Variants in CEP290 observed in about 807,000 individuals in gnomAD.
CEP290 encodes the protein centrosomal protein of 290 kDa.
In CEP290, 317 loss-of-function variants were observed where a neutral mutation model predicts 344.9. The ratio of observed to expected loss-of-function variants is 0.92; its 90% CI spans 0.84 to 1.01. The LOEUF is 1.01. Ranked by LOEUF, CEP290 falls within the 50% of genes least tolerant of loss-of-function variation. The pLI, the probability that CEP290 is intolerant of heterozygous loss-of-function variation, is 0.00. For synonymous variants in CEP290, 932 were observed against 895.8 expected (o/e 1.04, Z -0.72); for missense variants, 2,754 against 2,761.4 (o/e 1.00, Z 0.06).
intron 4 of CEP290, 96 bp downstream of exon 4, chr12:88,139,399 A>G (rs2040514651): frequency 1.5e-6 from 1 of 658,108 alleles, no homozygotes; most frequent in Admixed American, 3.9e-5. Flanking sequence ...AACTGAATAT[A>G]TATATTTTAT....
chr12:88,131,962 G>C (rs1315563974), intron 6 of CEP290, among the ~76,000 whole-genome samples: 1 of 152,060 alleles, frequency 6.6e-6, no homozygotes, highest in Admixed American at 6.6e-5. Flanking sequence ...AATCACACCG[G>C]CCTAGGTTTA....
chr12:88,078,139 G>C (rs1445772043), intron 39 of CEP290, among the ~76,000 whole-genome samples: 2 of 148,210 alleles, frequency 1.3e-5, no homozygotes, highest in South Asian at 4.2e-4. Context: ...AAAAAAACTA[G>C]TGTAAAGCAA....
At chr12:88,121,257 C>T in intron 13 of CEP290, 91 bp from the exon 14 acceptor site, 2 of 874,126 alleles carry the variant, frequency 2.3e-6, no homozygotes, top group Non-Finnish European at 3.4e-6. Context: ...AAGTGGTATG[C>T]CATTAAAAAA....
intron 5 of CEP290, among the ~76,000 whole-genome samples, chr12:88,137,745 G>T (rs1379651161): frequency 6.6e-6 from 1 of 152,150 alleles, no homozygotes; most frequent in African/African-American, 2.4e-5. Context: ...TCAATTGGAA[G>T]GTGCTCATTC....
At chr12:88,124,813 G>A (rs1206480846) in intron 13 of CEP290, among the ~76,000 whole-genome samples, 2 of 151,918 alleles carry the variant, frequency 1.3e-5, no homozygotes, top group African/African-American at 4.8e-5. Context: ...TGTTAAAAAA[G>A]GTAATATGGC....
intron 42 of CEP290, 54 bp downstream of exon 42, chr12:88,071,727 A>T: frequency 7.4e-7 from 1 of 1,343,236 alleles, no homozygotes; most frequent in Non-Finnish European, 1.0e-6. Context: ...TATAATTTCC[A>T]GGTCACTAAA....
Position 88,129,802 on chromosome 12 carries a change from C to T in CEP290, c.744G>A (p.Gln248=). The stretch of plus-strand genomic sequence containing the variant: ...ATTCATCAGTCATCTTCTCCATTTC[C>T]TGTACAGACTCTTCTAAATTTTTTC... ...EMRKNLEESV[Q]EMEKMTDEYN... Residue 248 remains glutamine (Q), a synonymous_variant, in exon 10 of 54, where the codon CAG becomes CAA. Coordinates refer to ENST00000552810, the MANE Select transcript of CEP290 (RefSeq NM_025114.4). The T allele has an allele frequency of 6.8e-7, 1 of 1,469,534 alleles. No individual in the cohort carries two copies. Among genetic ancestry groups the T allele is most frequent in the Non-Finnish European group, 9.0e-7 (1 of 1,108,332 alleles). 91.0% of individuals were successfully genotyped at this position (1,469,534 alleles called of 1,614,324 possible). A position where few individuals can be genotyped will look rare whatever the true frequency, so the allele number is the denominator to read the frequency against.
chr12:88,083,898 T>C lies in CEP290; in HGVS notation c.4761A>G (p.Arg1587=), dbSNP rs1414587979. Residue 1587 remains arginine, a synonymous_variant, in exon 36 of 54, where the codon AGA becomes AGG. Coordinates refer to ENST00000552810, the MANE Select transcript of CEP290 (RefSeq NM_025114.4). ...HEEDLHILHH[R]LELQADSSLN... ...GTGAACTATCAGCCTGTAGTTCTAA[T>C]CTGTGATGAAGAATATGAAGGTCTT... The C allele has an allele frequency of 1.2e-6, 2 of 1,600,916 alleles. No individual in the cohort carries two copies. The highest frequency in any genetic ancestry group is 2.7e-5 in the African/African-American group (2 of 74,770).
chr12:88,115,746 T>C (rs911321021), intron 18 of CEP290: 4 of 946,842 alleles, frequency 4.2e-6, no homozygotes, highest in Middle Eastern at 5.4e-4. Flanking sequence ...CACAGAAATA[T>C]AATTTGGAGA....
At chr12:88,087,472 G>A (rs1311872625) in intron 32 of CEP290, among the ~76,000 whole-genome samples, 2 of 151,988 alleles carry the variant, frequency 1.3e-5, no homozygotes, top group African/African-American at 2.4e-5. Flanking sequence ...TGTAATCCCA[G>A]CACTTTGGGA....
intron 53 of CEP290, 71 bp downstream of exon 53, chr12:88,050,283 A>T (rs866085295): frequency 1.2e-5 from 9 of 740,322 alleles, no homozygotes; most frequent in Non-Finnish European, 2.1e-5. Flanking sequence ...ATACGTAGTT[A>T]AAGATGGTAA....
chr12:88,118,616 A>G (rs771872914), intron 16 of CEP290, 27 bp downstream of exon 16: 1 of 1,611,684 alleles, frequency 6.2e-7, no homozygotes, highest in Non-Finnish European at 8.5e-7. Flanking sequence ...TCAGCCAAGA[A>G]AATAATCAAC....
intron 12 of CEP290, 118 bp from the exon 13 acceptor site, chr12:88,125,487 C>A: frequency 4.9e-6 from 2 of 407,052 alleles, no homozygotes; most frequent in Admixed American, 9.5e-5. Context: ...CTTGTGGGTA[C>A]AAGTATGCCT....
intron 9 of CEP290, 48 bp downstream of exon 9, chr12:88,130,220 T>TA: frequency 6.6e-7 from 1 of 1,514,302 alleles, no homozygotes; most frequent in Non-Finnish European, 8.9e-7. Flanking sequence ...GTAATGAAAT[T>TA]AAAGTTTTTA....
intron 22 of CEP290, among the ~76,000 whole-genome samples, chr12:88,110,806 C>A (rs1196031810): frequency 6.6e-6 from 1 of 152,144 alleles, no homozygotes; most frequent in Non-Finnish European, 1.5e-5. Context: ...GTTTTCCACC[C>A]AGCAAGAAAT....
At chr12:88,107,244 A>C in intron 23 of CEP290, 146 bp from the exon 24 acceptor site, 1 of 492,818 alleles carries the variant, frequency 2.0e-6, no homozygotes, top group Non-Finnish European at 3.4e-6. Context: ...CAAGAAGTTA[A>C]ACTTTCATTT....
chr12:88,120,132 C>G lies in CEP290; in HGVS notation c.1504G>C (p.Ala502Pro). The G allele has an allele frequency of 6.5e-7, 1 of 1,547,594 alleles. No homozygotes were observed. The highest frequency in any genetic ancestry group is 8.7e-7 in the Non-Finnish European group (1 of 1,145,338). ...GGCTTACCCACACGCTCTCTAAGTG[C>G]CTCATTTTCATCAAGGAAATCACTG... The part of the protein sequence containing the change: ...KISDFLDENE[A>P]LRERVGLEPK... Residue 502 changes from alanine (A) to proline (P), a missense_variant, in exon 15 of 54, where the codon GCA becomes CCA. Ala to Pro is a conservative substitution (Grantham distance 27). Transcript: ENST00000552810.
At chr12:88,138,703 AG>A (rs981488571) in intron 5 of CEP290, among the ~76,000 whole-genome samples, 2 of 152,190 alleles carry the variant, frequency 1.3e-5, no homozygotes, top group African/African-American at 2.4e-5. Flanking sequence ...ACAAAGGAAA[AG>A]GGTATTCCTC....
At chr12:88,121,657 T>C (rs1431243627) in intron 13 of CEP290, among the ~76,000 whole-genome samples, 1 of 151,496 alleles carries the variant, frequency 6.6e-6, no homozygotes, top group Non-Finnish European at 1.5e-5. Context: ...GAGTAATCTC[T>C]CTTCTCTTTC....
Sources: gnomAD v4.1 joint callset for allele counts (sites outside exome capture counted in the v4.1 genomes callset) on GRCh38, gnomAD v4.1.1 for gene constraint, MANE v1.5 for transcripts, NCBI Gene and HGNC (gene_info 2026-07-23, HGNC 2026-07-21) for gene names.